Variants in SLC16A10 observed in about 807,000 individuals in gnomAD.
SLC16A10 encodes solute carrier family 16 member 10, also known as monocarboxylate transporter 10.
A neutral mutation model predicts 40.0 loss-of-function variants in SLC16A10; 27 were observed. The observed-to-expected ratio is 0.67, with a 90% CI of 0.50 to 0.93. The LOEUF (loss-of-function observed/expected upper bound fraction) is 0.93. Ranked by LOEUF, SLC16A10 falls within the 40% of genes least tolerant of loss-of-function variation. The probability of loss-of-function intolerance (pLI) is 0.00; values close to 1 mark genes in which losing one functional copy is unlikely to be tolerated. For missense variants in SLC16A10, 529 were observed against 658.2 expected, an observed-to-expected ratio of 0.80 and a Z score of 2.15; for synonymous variants, 213 against 249.8, an observed-to-expected ratio of 0.85 and a Z score of 1.39.
At chr6:111,153,874 G>A (rs1772221547) in intron 1 of SLC16A10, among the ~76,000 whole-genome samples, 2 of 152,108 alleles carry the variant, frequency 1.3e-5, no homozygotes, top group Non-Finnish European at 2.9e-5. Context: ...GATCATTATT[G>A]GTTATGATTT....
At chr6:111,104,092 G>T (rs562244967) in intron 1 of SLC16A10, among the ~76,000 whole-genome samples, 1 of 152,208 alleles carries the variant, frequency 6.6e-6, no homozygotes, top group Non-Finnish European at 1.5e-5. Context: ...CCGAGGATAT[G>T]TAGTGAAAGG....
At chr6:111,196,642 C>G (rs1773084455) in intron 3 of SLC16A10, among the ~76,000 whole-genome samples, 1 of 152,174 alleles carries the variant, frequency 6.6e-6, no homozygotes. Flanking sequence ...GACCACATCT[C>G]TACAAACAAC....
intron 1 of SLC16A10, among the ~76,000 whole-genome samples, chr6:111,169,713 A>C (rs965067965): frequency 6.6e-6 from 1 of 152,240 alleles, no homozygotes; most frequent in Non-Finnish European, 1.5e-5. Context: ...TGAAGTGTTC[A>C]TCTAGTGTCA....
At chr6:111,184,986 A>G (rs2114557465) in intron 3 of SLC16A10, among the ~76,000 whole-genome samples, 1 of 152,322 alleles carries the variant, frequency 6.6e-6, no homozygotes, top group Non-Finnish European at 1.5e-5. Context: ...GCTCCAAGCC[A>G]GAGCTAAGGG....
rs1397362103 is a variant in SLC16A10, at chr6:111,229,116, A to C, written c.*6881A>C. The C allele has an allele frequency of 6.6e-6, 1 of 151,876 alleles. No homozygotes were observed. Among genetic ancestry groups the C allele is most frequent in the Non-Finnish European group, 1.5e-5 (1 of 67,982 alleles). 9.4% of individuals were successfully genotyped at this position (151,876 alleles called of 1,614,324 possible). On this transcript the variant is annotated 3_prime_UTR_variant, in exon 6 of 6. Transcript: ENST00000368851. ...GTTGGTGCCTCTTTTTTTTCTACCA[A>C]AGATTATTAGATCAAGATTGGTGCT...
chr6:111,189,128 C>T (rs1289098830), intron 3 of SLC16A10, among the ~76,000 whole-genome samples: 3 of 152,180 alleles, frequency 2.0e-5, no homozygotes, highest in Non-Finnish European at 4.4e-5. Flanking sequence ...TTCTCATACA[C>T]AGCTCAATAA....
rs576224788 is a variant in SLC16A10, at chr6:111,230,563, C to T, written c.*8328C>T. On this transcript the variant is annotated 3_prime_UTR_variant, in exon 6 of 6. Transcript: ENST00000368851. ...ACTCTAATAATAACTTCTGATGTAA[C>T]TTAATGTGGTTTGAGATGTGTAAGA... 4 of 152,260 alleles carry T rather than the reference C, an allele frequency of 2.6e-5. No homozygotes were observed. Among genetic ancestry groups the T allele is most frequent in the African/African-American group, 9.6e-5 (4 of 41,556 alleles). 9.4% of individuals were successfully genotyped at this position (152,260 alleles called of 1,614,324 possible).
chr6:111,228,648 T>G lies in SLC16A10; in HGVS notation c.*6413T>G, dbSNP rs1771051830. 4 of 152,206 alleles carry G rather than the reference T, an allele frequency of 2.6e-5. No homozygotes were observed. The highest frequency in any genetic ancestry group is 9.6e-5 in the African/African-American group (4 of 41,456). 9.4% of individuals were successfully genotyped at this position (152,206 alleles called of 1,614,324 possible). A position where few individuals can be genotyped will look rare whatever the true frequency, so the allele number is the denominator to read the frequency against. ...TTTTAAATGTGTAAACACAAAACCTTTCTACTGTGATCTTCCCTAATGAGT... is the reference window on the plus strand; with the variant it reads ...TTTTAAATGTGTAAACACAAAACCTGTCTACTGTGATCTTCCCTAATGAGT... On this transcript the variant is annotated 3_prime_UTR_variant, in exon 6 of 6. Coordinates refer to ENST00000368851, the MANE Select transcript of SLC16A10 (RefSeq NM_018593.5).
chr6:111,190,419 G>T lies in SLC16A10; in HGVS notation c.942+12754G>T, dbSNP rs1222279364. ...AGTGGATCTACCATTCTGGGGTCTG[G>T]AGGACGGTAGCCCTCTTCTCATAGC... On this transcript the variant is annotated intron_variant, in intron 3 of 5. Transcript: ENST00000368851. Among the ~76,000 whole-genome samples the T allele has an allele frequency of 2.0e-5, 3 of 152,206 alleles. No homozygotes were observed. In the East Asian group the frequency reaches 5.8e-4, roughly 29 times the overall value.
At chr6:111,126,245 T>C (rs1456151839) in intron 1 of SLC16A10, among the ~76,000 whole-genome samples, 3 of 152,182 alleles carry the variant, frequency 2.0e-5, no homozygotes, top group Admixed American at 1.3e-4. Context: ...AGTTTTTTTT[T>C]CCTTAGTTTT....
At chr6:111,104,826 A>G (rs12194283) in intron 1 of SLC16A10, among the ~76,000 whole-genome samples, 15,418 of 152,064 alleles carry the variant, frequency 0.1, 1,032 homozygotes, top group Middle Eastern at 0.18. Flanking sequence ...TTCTACTGAA[A>G]TCATTATATT....
At chr6:111,125,521 A>G (rs1370641919) in intron 1 of SLC16A10, among the ~76,000 whole-genome samples, 1 of 152,104 alleles carries the variant, frequency 6.6e-6, no homozygotes, top group Non-Finnish European at 1.5e-5. Context: ...TTCTATCCAC[A>G]TCTCATCAAA....
chr6:111,126,879 G>A (rs1406321018), intron 1 of SLC16A10, among the ~76,000 whole-genome samples: 3 of 152,108 alleles, frequency 2.0e-5, no homozygotes, highest in Non-Finnish European at 2.9e-5. Context: ...CAAAGCCCTG[G>A]TTTTCTCATT....
At chr6:111,143,190 C>T (rs905642090) in intron 1 of SLC16A10, among the ~76,000 whole-genome samples, 1 of 152,126 alleles carries the variant, frequency 6.6e-6, no homozygotes, top group African/African-American at 2.4e-5. Context: ...AGCTCTCTTC[C>T]TGCCTCAGCC....
At chr6:111,105,086 T>C (rs1771260265) in intron 1 of SLC16A10, among the ~76,000 whole-genome samples, 2 of 152,188 alleles carry the variant, frequency 1.3e-5, no homozygotes, top group African/African-American at 4.8e-5. Flanking sequence ...CTAAAGACTT[T>C]TGGCATGTTC....
At chr6:111,091,762 G>T (rs780397439) in intron 1 of SLC16A10, among the ~76,000 whole-genome samples, 1 of 152,158 alleles carries the variant, frequency 6.6e-6, no homozygotes, top group African/African-American at 2.4e-5. Context: ...TCAGGAAAGG[G>T]CCTGAAGAAG....
At chr6:111,164,471 AG>A (rs1772434761) in intron 1 of SLC16A10, among the ~76,000 whole-genome samples, 1 of 152,178 alleles carries the variant, frequency 6.6e-6, no homozygotes, top group East Asian at 1.9e-4. Flanking sequence ...CAAAAGCCCA[AG>A]AAGCAGGCTG....
chr6:111,150,472 TATC>T (rs1312692192), intron 1 of SLC16A10, among the ~76,000 whole-genome samples: 10 of 152,112 alleles, frequency 6.6e-5, no homozygotes, highest in Non-Finnish European at 1.3e-4. Context: ...ATATCATCAA[TATC>T]ATCATCATCA....
chr6:111,197,404 T>C (rs1461103221), intron 3 of SLC16A10, among the ~76,000 whole-genome samples: 1 of 152,194 alleles, frequency 6.6e-6, no homozygotes, highest in African/African-American at 2.4e-5. Flanking sequence ...ATCAAATCTT[T>C]AAGTTAAAAT....
Sources: allele counts gnomAD v4.1 joint callset (sites outside exome capture counted in the v4.1 genomes callset), GRCh38; gene constraint gnomAD v4.1.1; transcripts MANE v1.5; gene names NCBI Gene and HGNC (gene_info 2026-07-23, HGNC 2026-07-21).